RARB: variants seen among roughly 807,000 people sequenced by gnomAD.
RARB encodes the protein HBV-activated protein.
RARB carries 17 observed loss-of-function variants against 51.9 expected under a neutral mutation model. The observed-to-expected ratio is 0.33, with a 90% confidence interval of 0.22 to 0.49. RARB has a LOEUF of 0.49. Among genes scored for constraint, RARB ranks in the 20% least tolerant of loss-of-function variants. RARB has a pLI of 0.99. For synonymous variants in RARB, 215 were observed against 195.4 expected (o/e 1.10, Z -0.84); for missense variants, 369 against 550.8 (o/e 0.67, Z 3.30).
intron 3 of RARB, among the ~76,000 whole-genome samples, chr3:25,507,173 C>T (rs1697652221): frequency 6.6e-6 from 1 of 152,216 alleles, no homozygotes; most frequent in African/African-American, 2.4e-5. Context: ...GGATTATAAA[C>T]TCTTAAAAGG....
intron 2 of RARB, among the ~76,000 whole-genome samples, chr3:25,004,444 G>C (rs558750303): frequency 3.3e-5 from 5 of 152,248 alleles, no homozygotes; most frequent in South Asian, 2.1e-4. Flanking sequence ...AGTGGTGAAA[G>C]TCATCACATG....
At chr3:25,386,695 A>G (rs1212661788) in intron 5 of RARB, among the ~76,000 whole-genome samples, 1 of 152,142 alleles carries the variant, frequency 6.6e-6, no homozygotes, top group Non-Finnish European at 1.5e-5. Flanking sequence ...TGTACCTTCT[A>G]CTTAAGATTA....
intron 3 of RARB, among the ~76,000 whole-genome samples, chr3:25,065,009 T>TG (rs1698633299): frequency 6.6e-6 from 1 of 152,136 alleles, no homozygotes; most frequent in Admixed American, 6.5e-5. Flanking sequence ...AGTAAGGCAA[T>TG]GGTGGCCATT....
At chr3:25,538,910 T>C (rs895373955) in intron 3 of RARB, among the ~76,000 whole-genome samples, 2 of 152,218 alleles carry the variant, frequency 1.3e-5, no homozygotes, top group Non-Finnish European at 2.9e-5. Flanking sequence ...CACATTTTAG[T>C]TCCTCTTACC....
At chr3:25,367,668 A>T (rs1389003469) in intron 5 of RARB, among the ~76,000 whole-genome samples, 2 of 142,134 alleles carry the variant, frequency 1.4e-5, no homozygotes, top group Non-Finnish European at 3.1e-5. Flanking sequence ...AAAAAAAAAA[A>T]TACCAAAATT....
chr3:25,518,324 G>A (rs1043681793), intron 3 of RARB, among the ~76,000 whole-genome samples: 5 of 151,922 alleles, frequency 3.3e-5, no homozygotes, highest in African/African-American at 7.3e-5. Context: ...CAAGACTCTC[G>A]GTGTCCACAA....
At chr3:24,886,382 G>C (rs759357869) in intron 2 of RARB, among the ~76,000 whole-genome samples, 6 of 151,982 alleles carry the variant, frequency 3.9e-5, no homozygotes, top group Non-Finnish European at 8.8e-5. Context: ...TTGAAAAGAG[G>C]ACCGTTATTG....
intron 2 of RARB, among the ~76,000 whole-genome samples, chr3:25,027,870 G>A (rs753334386): frequency 1.7e-4 from 26 of 152,122 alleles, no homozygotes; most frequent in Non-Finnish European, 3.1e-4. Context: ...TCATGGCAGG[G>A]TGCCTGGTTG....
intron 2 of RARB, among the ~76,000 whole-genome samples, chr3:25,486,583 G>C (rs986503705): frequency 1.3e-5 from 2 of 152,116 alleles, no homozygotes; most frequent in Non-Finnish European, 2.9e-5. Flanking sequence ...AGTTATGACA[G>C]GTCTTCAACT....
intron 2 of RARB, among the ~76,000 whole-genome samples, chr3:24,933,682 C>A (rs1216986725): frequency 1.3e-5 from 2 of 152,064 alleles, no homozygotes; most frequent in Non-Finnish European, 2.9e-5. Flanking sequence ...AGGCCAGCAA[C>A]CTTATTCTTC....
chr3:25,160,995 A>G (rs1382739967), intron 4 of RARB, among the ~76,000 whole-genome samples: 1 of 151,970 alleles, frequency 6.6e-6, no homozygotes, highest in African/African-American at 2.4e-5. Context: ...ATAATCCAGT[A>G]TCATCTCCTT....
intron 2 of RARB, among the ~76,000 whole-genome samples, chr3:24,941,007 T>A (rs918728354): frequency 2.0e-5 from 3 of 152,110 alleles, no homozygotes; most frequent in Admixed American, 6.6e-5. Context: ...AAATTTTGAA[T>A]CGTTTACCAT....
At chr3:25,266,129 T>A (rs1703119895) in intron 5 of RARB, among the ~76,000 whole-genome samples, 2 of 152,170 alleles carry the variant, frequency 1.3e-5, no homozygotes. Context: ...ATCTACAACC[T>A]AATATGTTAA....
intron 2 of RARB, among the ~76,000 whole-genome samples, chr3:25,022,150 A>G (rs1575122686): frequency 6.6e-6 from 1 of 152,202 alleles, no homozygotes; most frequent in African/African-American, 2.4e-5. Flanking sequence ...TATAGTGTAC[A>G]TGTAGAAAAG....
At chr3:25,249,128 T>C (rs1400926610) in intron 5 of RARB, among the ~76,000 whole-genome samples, 3 of 151,892 alleles carry the variant, frequency 2.0e-5, no homozygotes, top group Non-Finnish European at 4.4e-5. Context: ...TTCATTCTTT[T>C]TTATTCTTTT....
chr3:25,052,194 G>A (rs567287274), intron 2 of RARB, among the ~76,000 whole-genome samples: 1 of 152,164 alleles, frequency 6.6e-6, no homozygotes, highest in Non-Finnish European at 1.5e-5. Context: ...CTGAGGAGAA[G>A]AGCACAAGAA....
intron 5 of RARB, among the ~76,000 whole-genome samples, chr3:25,351,866 A>G (rs1276037750): frequency 1.3e-5 from 2 of 152,162 alleles, no homozygotes; most frequent in Admixed American, 6.6e-5. Context: ...AAGAGCTCTA[A>G]TGTGAGTGTT....
At chr3:25,529,483 C>T (rs1440725367) in intron 3 of RARB, among the ~76,000 whole-genome samples, 1 of 152,114 alleles carries the variant, frequency 6.6e-6, no homozygotes, top group African/African-American at 2.4e-5. Flanking sequence ...AATCTCAAAA[C>T]ATGCAAAACA....
At chr3:25,376,293 A>C (rs1256790789) in intron 5 of RARB, among the ~76,000 whole-genome samples, 1 of 152,182 alleles carries the variant, frequency 6.6e-6, no homozygotes, top group African/African-American at 2.4e-5. Flanking sequence ...AGTGCATAAC[A>C]CATAGGAGGG....
Sources: allele counts gnomAD v4.1 joint callset (sites outside exome capture counted in the v4.1 genomes callset), GRCh38; gene constraint gnomAD v4.1.1; transcripts MANE v1.5; gene names NCBI Gene and HGNC (gene_info 2026-07-23, HGNC 2026-07-21).